Variants in PDE7B observed in about 807,000 individuals in gnomAD.
The protein encoded by PDE7B is 3',5'-cyclic-AMP phosphodiesterase 7B.
In PDE7B, 29 loss-of-function variants were observed where a neutral mutation model predicts 56.2. The ratio of observed to expected loss-of-function variants is 0.52; its 90% CI spans 0.38 to 0.70. The LOEUF is 0.70. Ranked by LOEUF, PDE7B falls within the 30% of genes least tolerant of loss-of-function variation. PDE7B has a pLI of 0.00. For missense variants in PDE7B, 490 were observed against 565.0 expected, an observed-to-expected ratio of 0.87 and a Z score of 1.35; for synonymous variants, 197 against 196.9, an observed-to-expected ratio of 1.00 and a Z score of 0.00.
At chr6:135,961,240 G>A (rs1403999967) in intron 2 of PDE7B, among the ~76,000 whole-genome samples, 2 of 147,506 alleles carry the variant, frequency 1.4e-5, no homozygotes, top group Non-Finnish European at 3.0e-5. Context: ...GCAATTGTTG[G>A]GTCATAGAGT....
chr6:136,190,838 T>G (rs1779210504), intron 12 of PDE7B, among the ~76,000 whole-genome samples: 1 of 152,102 alleles, frequency 6.6e-6, no homozygotes, highest in Non-Finnish European at 1.5e-5. Context: ...TTAAACTTAG[T>G]TATTTAACAT....
chr6:136,147,312 T>A, intron 3 of PDE7B, 39 bp from the exon 4 acceptor site: 1 of 1,494,902 alleles, frequency 6.7e-7, no homozygotes, highest in Non-Finnish European at 9.2e-7. Context: ...TGGCTCTCTT[T>A]TAAATATATA....
At chr6:136,104,856 A>G (rs1183224425) in intron 2 of PDE7B, among the ~76,000 whole-genome samples, 2 of 152,234 alleles carry the variant, frequency 1.3e-5, no homozygotes, top group Admixed American at 6.5e-5. Flanking sequence ...TTTATGAGGA[A>G]TCAGCTTCTC....
intron 1 of PDE7B, among the ~76,000 whole-genome samples, chr6:135,878,807 A>G (rs1775549169): frequency 6.6e-6 from 1 of 152,230 alleles, no homozygotes; most frequent in Non-Finnish European, 1.5e-5. Flanking sequence ...GTGATAGATC[A>G]CTTAATTTGT....
intron 6 of PDE7B, 36 bp downstream of exon 6, chr6:136,151,291 C>A: frequency 9.3e-7 from 1 of 1,080,866 alleles, no homozygotes; most frequent in Non-Finnish European, 1.4e-6. Context: ...GCCCCATTCT[C>A]TTGAATAATG....
chr6:136,034,412 T>G (rs1005167260), intron 2 of PDE7B: 1 of 152,150 alleles, frequency 6.6e-6, no homozygotes, highest in Admixed American at 6.5e-5. Context: ...AGCAAAGTCT[T>G]TTTATTTTTA....
chr6:136,143,181 A>G (rs1778356509), intron 3 of PDE7B, among the ~76,000 whole-genome samples: 1 of 152,026 alleles, frequency 6.6e-6, no homozygotes, highest in South Asian at 2.1e-4. Context: ...GCTTGTCTGT[A>G]AAGTATTTAA....
chr6:135,989,475 A>G (rs1003433771), intron 2 of PDE7B, among the ~76,000 whole-genome samples: 5 of 152,122 alleles, frequency 3.3e-5, no homozygotes, highest in Non-Finnish European at 5.9e-5. Context: ...TTAGCTGGGC[A>G]TGGTGGTGCA....
intron 12 of PDE7B, among the ~76,000 whole-genome samples, chr6:136,190,691 C>T (rs1227299389): frequency 2.0e-5 from 3 of 152,038 alleles, no homozygotes; most frequent in Non-Finnish European, 2.9e-5. Context: ...CGGCAAAACG[C>T]GATTAGAAAG....
intron 2 of PDE7B, among the ~76,000 whole-genome samples, chr6:136,099,485 G>T (rs929746827): frequency 6.6e-6 from 1 of 152,192 alleles, no homozygotes; most frequent in African/African-American, 2.4e-5. Flanking sequence ...GCATGAGATG[G>T]TATCTCATTG....
chr6:135,917,981 C>T (rs977255672), intron 1 of PDE7B, among the ~76,000 whole-genome samples: 2 of 152,148 alleles, frequency 1.3e-5, no homozygotes, highest in African/African-American at 2.4e-5. Flanking sequence ...CTCACAGCTC[C>T]CCAATAGAGC....
chr6:135,914,342 G>C lies in PDE7B; in HGVS notation c.22-33122G>C, dbSNP rs1583764859. On this transcript the variant is annotated intron_variant, in intron 1 of 12. Coordinates refer to ENST00000308191, the MANE Select transcript of PDE7B (RefSeq NM_018945.4). The stretch of plus-strand genomic sequence containing the variant: ...TCTATCACTTTAGAAAGTTCCCTGT[G>C]CTCATTTTTTGTCGACCCCTGCCCC... Among the ~76,000 whole-genome samples, 3 of 151,752 alleles carry C rather than the reference G, an allele frequency of 2.0e-5. No individual in the cohort carries two copies. In the East Asian group the frequency reaches 5.8e-4, roughly 29 times the overall value.
intron 2 of PDE7B, among the ~76,000 whole-genome samples, chr6:136,090,391 T>C (rs1777367758): frequency 6.6e-6 from 1 of 152,194 alleles, no homozygotes; most frequent in Admixed American, 6.5e-5. Flanking sequence ...TTGAAGGGAT[T>C]GTTGGGATAT....
chr6:136,023,959 GC>G (rs1328220645), intron 2 of PDE7B, among the ~76,000 whole-genome samples: 1 of 152,052 alleles, frequency 6.6e-6, no homozygotes, highest in Non-Finnish European at 1.5e-5. Flanking sequence ...CCAGGAGCAG[GC>G]TTTTTGCAAT....
intron 2 of PDE7B, among the ~76,000 whole-genome samples, chr6:136,006,828 C>T (rs1348434229): frequency 1.3e-5 from 2 of 152,038 alleles, no homozygotes; most frequent in African/African-American, 4.8e-5. Context: ...TATGGGTTTT[C>T]CTAGATAGAG....
At chr6:136,023,418 A>C (rs1776103574) in intron 2 of PDE7B, among the ~76,000 whole-genome samples, 2 of 152,124 alleles carry the variant, frequency 1.3e-5, no homozygotes, top group South Asian at 4.1e-4. Context: ...CATTTTATCT[A>C]AAGCTTTCAT....
chr6:135,991,304 G>A (rs1775475049), intron 2 of PDE7B, among the ~76,000 whole-genome samples: 1 of 152,080 alleles, frequency 6.6e-6, no homozygotes, highest in Non-Finnish European at 1.5e-5. Flanking sequence ...GAGTTGTTCT[G>A]GTTCAAATGC....
chr6:135,932,392 C>T (rs956108327), intron 1 of PDE7B, among the ~76,000 whole-genome samples: 8 of 151,904 alleles, frequency 5.3e-5, no homozygotes, highest in African/African-American at 1.5e-4. Flanking sequence ...CATGGCATGC[C>T]GGTATCCAAA....
chr6:135,974,392 A>G (rs1270683090), intron 2 of PDE7B, among the ~76,000 whole-genome samples: 5 of 151,990 alleles, frequency 3.3e-5, no homozygotes, highest in Non-Finnish European at 7.4e-5. Context: ...CACTTTTCTT[A>G]TTTTCATCAT....
Sources: allele counts gnomAD v4.1 joint callset (sites outside exome capture counted in the v4.1 genomes callset), GRCh38; gene constraint gnomAD v4.1.1; transcripts MANE v1.5; gene names NCBI Gene and HGNC (gene_info 2026-07-23, HGNC 2026-07-21).